The following UST variants were observed in gnomAD, a reference collection of about 807,000 sequenced individuals.
UST encodes uronyl 2-sulfotransferase, also known as chondroitin sulfate 2-O-sulfotransferase.
UST carries 21 observed loss-of-function variants against 45.6 expected under a neutral mutation model. That is an observed-to-expected ratio of 0.46 (90% CI 0.33 to 0.66). The LOEUF (loss-of-function observed/expected upper bound fraction) is 0.66. Ranked by LOEUF, UST falls within the 30% of genes least tolerant of loss-of-function variation. The probability of loss-of-function intolerance (pLI) is 0.02; values close to 1 mark genes in which losing one functional copy is unlikely to be tolerated. For missense variants in UST, 463 were observed against 512.4 expected, an observed-to-expected ratio of 0.90 and a Z score of 0.93; for synonymous variants, 215 against 200.6, an observed-to-expected ratio of 1.07 and a Z score of -0.61.
chr6:148,906,765 G>C (rs1779370888), intron 2 of UST, among the ~76,000 whole-genome samples: 1 of 152,162 alleles, frequency 6.6e-6, no homozygotes, highest in Admixed American at 6.5e-5. Flanking sequence ...TATTTGATAG[G>C]GTTGTTGAGA....
chr6:148,808,392 C>G (rs1777190946), intron 1 of UST, among the ~76,000 whole-genome samples: 1 of 152,078 alleles, frequency 6.6e-6, no homozygotes, highest in Non-Finnish European at 1.5e-5. Flanking sequence ...AAACATGACC[C>G]CTTTCCTAGG....
intron 1 of UST, among the ~76,000 whole-genome samples, chr6:148,801,382 T>TG (rs1777055344): frequency 6.6e-6 from 1 of 152,208 alleles, no homozygotes; most frequent in Non-Finnish European, 1.5e-5. Flanking sequence ...AGACCACTTA[T>TG]GTTAATCTCT....
intron 1 of UST, among the ~76,000 whole-genome samples, chr6:148,815,327 G>A (rs1005968397): frequency 6.6e-6 from 1 of 152,208 alleles, no homozygotes; most frequent in African/African-American, 2.4e-5. Flanking sequence ...AAGGGATGCT[G>A]TTCACTGTAC....
At chr6:148,778,331 A>G (rs6570898) in intron 1 of UST, among the ~76,000 whole-genome samples, 69,485 of 151,898 alleles carry the variant, frequency 0.46, 16,183 homozygotes, top group Non-Finnish European at 0.5. Flanking sequence ...CAGAAGCAAG[A>G]TGTGGAGATT....
chr6:149,067,424 C>A (rs1377096866), intron 7 of UST, among the ~76,000 whole-genome samples: 2 of 152,140 alleles, frequency 1.3e-5, no homozygotes, highest in African/African-American at 4.8e-5. Flanking sequence ...GGCGGTCACC[C>A]TCCCTGGATC....
At chr6:148,990,297 G>A in intron 5 of UST, 1 of 724,164 alleles carries the variant, frequency 1.4e-6, no homozygotes, top group Non-Finnish European at 1.7e-6. Context: ...ACAGGAACTG[G>A]TTTTATAATA....
intron 1 of UST, among the ~76,000 whole-genome samples, chr6:148,777,568 G>T (rs60916872): frequency 4.0e-5 from 6 of 151,800 alleles, no homozygotes; most frequent in South Asian, 2.1e-4. Context: ...TTTTTGAGAC[G>T]GAGTCTCGCT....
At chr6:148,792,926 ATATC>A (rs528544543) in intron 1 of UST, among the ~76,000 whole-genome samples, 47 of 152,348 alleles carry the variant, frequency 3.1e-4, no homozygotes, top group African/African-American at 1.0e-3. Flanking sequence ...ATGTGGTTAA[ATATC>A]TAGCTACAGA....
intron 1 of UST, among the ~76,000 whole-genome samples, chr6:148,780,613 G>C (rs1189435594): frequency 6.6e-6 from 1 of 152,160 alleles, no homozygotes; most frequent in Admixed American, 6.5e-5. Flanking sequence ...GCAAGAACTT[G>C]ATCTCATTCT....
At chr6:149,061,750 G>C (rs956455338) in intron 7 of UST, among the ~76,000 whole-genome samples, 17 of 152,230 alleles carry the variant, frequency 1.1e-4, no homozygotes, top group Non-Finnish European at 2.4e-4. Flanking sequence ...AAAAGCCCGG[G>C]CTAAGTTCTT....
chr6:148,865,664 TTGTGTGTGTGTGTGTGTGTGTGTGTG>T (rs56252604), intron 1 of UST, among the ~76,000 whole-genome samples: 3 of 117,848 alleles, frequency 2.5e-5, no homozygotes, highest in Admixed American at 8.9e-5. Context: ...CTTGCTGAAA[TTGTGTGTGTGTGTGTGTGTGTGTGTG>T]TGTGTGTGTG....
chr6:148,842,512 C>T (rs954932747), intron 1 of UST, among the ~76,000 whole-genome samples: 5 of 152,088 alleles, frequency 3.3e-5, no homozygotes, highest in South Asian at 2.1e-4. Context: ...GTGTGGAGGC[C>T]GCCGGCTGAC....
At chr6:149,012,472 C>CA (rs1287413975) in intron 5 of UST, among the ~76,000 whole-genome samples, 4 of 152,174 alleles carry the variant, frequency 2.6e-5, no homozygotes, top group Non-Finnish European at 5.9e-5. Context: ...TGGTGAATGA[C>CA]AGTCATTTTT....
intron 1 of UST, among the ~76,000 whole-genome samples, chr6:148,771,042 A>G (rs1457740480): frequency 6.6e-6 from 1 of 151,960 alleles, no homozygotes; most frequent in Non-Finnish European, 1.5e-5. Flanking sequence ...TGTTGCTGAC[A>G]TTTTCCTGTT....
At chr6:148,759,357 C>T (rs1333459862) in intron 1 of UST, among the ~76,000 whole-genome samples, 1 of 145,760 alleles carries the variant, frequency 6.9e-6, no homozygotes, top group Non-Finnish European at 1.5e-5. Flanking sequence ...AACCCCGTCT[C>T]TACTAAAAAA....
chr6:148,804,392 AG>A (rs1304288935), intron 1 of UST, among the ~76,000 whole-genome samples: 1 of 152,048 alleles, frequency 6.6e-6, no homozygotes, highest in African/African-American at 2.4e-5. Context: ...TGTGTGTGTG[AG>A]GGGGGGTCAT....
chr6:149,043,427 G>GA (rs1441848446), intron 7 of UST, among the ~76,000 whole-genome samples: 1 of 152,272 alleles, frequency 6.6e-6, no homozygotes, highest in East Asian at 1.9e-4. Flanking sequence ...CAGTTTATCA[G>GA]AAAAAAATTT....
chr6:149,009,819 G>T (rs2486417), intron 5 of UST, among the ~76,000 whole-genome samples: 80,618 of 149,710 alleles, frequency 0.54, 21,997 homozygotes, highest in African/African-American at 0.64. Context: ...TATACCTTTT[G>T]TCTTTTTTTT....
intron 1 of UST, among the ~76,000 whole-genome samples, chr6:148,812,728 A>G (rs1777282494): frequency 6.6e-6 from 1 of 152,228 alleles, no homozygotes. Context: ...CCTCAAATGC[A>G]AGTCATGTTT....
Sources: gnomAD v4.1 joint callset for allele counts (sites outside exome capture counted in the v4.1 genomes callset) on GRCh38, gnomAD v4.1.1 for gene constraint, MANE v1.5 for transcripts, NCBI Gene and HGNC (gene_info 2026-07-23, HGNC 2026-07-21) for gene names.